UNC79: variants seen among roughly 807,000 people sequenced by gnomAD.
UNC79 encodes unc-79 subunit of NALCN channel complex.
A neutral mutation model predicts 283.1 loss-of-function variants in UNC79; 37 were observed. The observed-to-expected ratio is 0.13, with a 90% CI of 0.10 to 0.17. UNC79 has a LOEUF of 0.17. Ranked by LOEUF, UNC79 falls within the 10% of genes least tolerant of loss-of-function variation. The probability of loss-of-function intolerance (pLI) is 1.00; values close to 1 mark genes in which losing one functional copy is unlikely to be tolerated. For missense variants in UNC79, 2,272 were observed against 3,211.1 expected (o/e 0.71, Z 7.07); for synonymous variants, 1,107 against 1,200.2 (o/e 0.92, Z 1.61).
At chr14:93,508,722 T>G (rs895377546) in intron 7 of UNC79, among the ~76,000 whole-genome samples, 1 of 152,244 alleles carries the variant, frequency 6.6e-6, no homozygotes, top group African/African-American at 2.4e-5. Flanking sequence ...GTTTAACATA[T>G]TGATCTTTTA....
At position 93,540,715 on chromosome 14, in the gene UNC79, C is replaced by T. The variant is rs759429125; in HGVS notation, c.1408C>T (p.Arg470Trp). ...GCAGCGAGAACATGAGCTGAACCGG[C>T]GGCGGCAGCTGGGCCTCTCCTCTTC... is the stretch of plus-strand genomic sequence containing the variant. The change falls in exon 13 of 49, where the codon CGG (arginine) becomes TGG (tryptophan). Residue 470 changes from arginine to tryptophan, a missense_variant. Arg to Trp is a moderately radical substitution (Grantham distance 101). This residue lies in a region of UNC79 where 142 missense variants were observed against 230.7 expected (regional missense o/e 0.62). Coordinates refer to ENST00000555664, the Ensembl canonical transcript of UNC79. 2.0e-5 allele frequency: 32 copies of T among 1,613,654 alleles called. No individual in the cohort carries two copies. Among genetic ancestry groups the T allele is most frequent in the African/African-American group, 4.0e-5 (3 of 74,906 alleles).
chr14:93,381,684 C>G (rs1199633809), intron 1 of UNC79, among the ~76,000 whole-genome samples: 2 of 152,154 alleles, frequency 1.3e-5, no homozygotes, highest in Non-Finnish European at 2.9e-5. Flanking sequence ...TCCCAGATTC[C>G]TAAGAGTAGA....
intron 7 of UNC79, among the ~76,000 whole-genome samples, chr14:93,513,391 T>A (rs2059919599): frequency 2.0e-5 from 3 of 151,998 alleles, no homozygotes; most frequent in Admixed American, 2.0e-4. Flanking sequence ...TGGCTAATTT[T>A]TTATTATTTG....
chr14:93,528,450 C>G (rs532299100), intron 8 of UNC79, 108 bp from the exon 9 acceptor site: 1 of 994,012 alleles, frequency 1.0e-6, no homozygotes, highest in Middle Eastern at 2.3e-4. Context: ...ATGTTTATTC[C>G]ACCTCGCTTG....
intron 35 of UNC79, among the ~76,000 whole-genome samples, chr14:93,648,099 T>C (rs1331963100): frequency 6.6e-6 from 1 of 152,200 alleles, no homozygotes; most frequent in Non-Finnish European, 1.5e-5. Flanking sequence ...GCAAACCATA[T>C]TACCTGCTTT....
chr14:93,467,650 T>A, intron 1 of UNC79, 21 bp from the exon 2 acceptor site: 1 of 1,074,596 alleles, frequency 9.3e-7, no homozygotes, highest in East Asian at 4.3e-5. Flanking sequence ...TTTTTTTTTT[T>A]TTTTTTTTGC....
intron 1 of UNC79, among the ~76,000 whole-genome samples, chr14:93,438,474 A>G (rs2056174785): frequency 6.6e-6 from 1 of 152,144 alleles, no homozygotes; most frequent in African/African-American, 2.4e-5. Context: ...AAAAATAGGA[A>G]GTTGAAATGA....
intron 8 of UNC79, 66 bp downstream of exon 8, chr14:93,524,108 G>A (rs948804882): frequency 2.6e-6 from 4 of 1,549,072 alleles, no homozygotes; most frequent in African/African-American, 2.7e-5. Context: ...ATGAAGTGGA[G>A]TAGATTGCAT....
intron 1 of UNC79, among the ~76,000 whole-genome samples, chr14:93,387,541 A>T (rs375928879): frequency 1.3e-5 from 2 of 152,164 alleles, no homozygotes; most frequent in East Asian, 1.9e-4. Context: ...ATGTGTTTGA[A>T]CAGTGTCCGA....
chr14:93,530,146 T>G (rs1204712395), intron 10 of UNC79, among the ~76,000 whole-genome samples: 3 of 152,058 alleles, frequency 2.0e-5, no homozygotes, highest in African/African-American at 4.8e-5. Flanking sequence ...GTATAAAAAA[T>G]TAGCCAGGCA....
Position 93,400,458 on chromosome 14 carries a change from A to G in UNC79, c.-351+66935A>G, listed in dbSNP as rs1339951874. Among the ~76,000 whole-genome samples the G allele has an allele frequency of 2.6e-5, 4 of 152,186 alleles. No homozygotes were observed. The East Asian group carries it at 7.7e-4, about 29-fold the overall frequency. ...TGGTATAAATTAGCAGATAAGTGCC[A>G]CATGAATGGTTCAGGAAAGCATCCT... On this transcript the variant is annotated intron_variant, in intron 1 of 49. Coordinates refer to the UNC79 transcript ENST00000256339.
At chr14:93,602,387 G>T (rs1333282551) in intron 25 of UNC79, among the ~76,000 whole-genome samples, 1 of 152,058 alleles carries the variant, frequency 6.6e-6, no homozygotes, top group South Asian at 2.1e-4. Flanking sequence ...GTTTTTATTT[G>T]CTTTGTTGAA....
At chr14:93,694,505 T>G in intron 47 of UNC79, 93 bp downstream of exon 50, 1 of 1,220,376 alleles carries the variant, frequency 8.2e-7, no homozygotes, top group East Asian at 2.4e-5. Context: ...ATAATTAGTT[T>G]TAACATTCAG....
chr14:93,655,719 G>C (rs74073864), intron 38 of UNC79, among the ~76,000 whole-genome samples: 1 of 151,274 alleles, frequency 6.6e-6, no homozygotes, highest in Non-Finnish European at 1.5e-5. Context: ...TTTTTCTCCC[G>C]TAGATATTAA....
At chr14:93,630,968 C>A in intron 31 of UNC79, 60 bp downstream of exon 33, 1 of 1,458,446 alleles carries the variant, frequency 6.9e-7, no homozygotes, top group Non-Finnish European at 9.6e-7. Context: ...CTGTCTGCTG[C>A]CTTGTTTTCA....
chr14:93,668,753 A>G (rs2072489471), intron 40 of UNC79, among the ~76,000 whole-genome samples: 1 of 151,484 alleles, frequency 6.6e-6, no homozygotes, highest in Admixed American at 6.6e-5. Context: ...CTGAGGTGGG[A>G]GAATTGCTTA....
chr14:93,596,708 C>T (rs1002478923), intron 23 of UNC79, among the ~76,000 whole-genome samples: 2 of 152,092 alleles, frequency 1.3e-5, no homozygotes, highest in East Asian at 1.9e-4. Flanking sequence ...AATACTGAAA[C>T]GTCTTAATTT....
Position 93,682,709 on chromosome 14 carries a change from A to G in UNC79, c.6819+15A>G. On this transcript the variant is annotated intron_variant, in intron 42 of 48. Transcript: ENST00000555664. ...CTGTACCTGGAGTAAGTCCTGACCA[A>G]ATTCATTGTCTACATACTTACATTT... 6.2e-7 allele frequency: 1 copy of G among 1,610,516 alleles called. No individual in the cohort carries two copies. Among genetic ancestry groups the G allele is most frequent in the East Asian group, 2.2e-5 (1 of 44,800 alleles).
intron 5 of UNC79, among the ~76,000 whole-genome samples, chr14:93,493,892 TATATATA>T (rs1186161668): frequency 9.4e-4 from 70 of 74,164 alleles, no homozygotes; most frequent in South Asian, 1.8e-3. Flanking sequence ...TATATATATA[TATATATA>T]TATTTTTTTT....
Sources: gnomAD v4.1 joint callset for allele counts (sites outside exome capture counted in the v4.1 genomes callset) on GRCh38, gnomAD v4.1.1 for gene constraint, gnomAD v4.1.1 regional missense constraint, MANE v1.5 for transcripts, NCBI Gene and HGNC (gene_info 2026-07-23, HGNC 2026-07-21) for gene names.